The following HSD17B2 variants were observed in gnomAD, a reference collection of about 807,000 sequenced individuals.
HSD17B2 encodes hydroxysteroid 17-beta dehydrogenase 2.
In HSD17B2, 32 loss-of-function variants were observed where a neutral mutation model predicts 26.9. That is an observed-to-expected ratio of 1.19 (90% confidence interval 0.90 to 1.60). The LOEUF (loss-of-function observed/expected upper bound fraction) is 1.60. Ranked by LOEUF, HSD17B2 falls within the 40% of genes most tolerant of loss-of-function variation. HSD17B2 has a pLI of 0.00. For synonymous variants in HSD17B2, 246 were observed against 186.7 expected (o/e 1.32, Z -2.59); for missense variants, 613 against 468.6 (o/e 1.31, Z -2.85).
At chr16:82,080,970 A>T (rs1904363083) in intron 3 of HSD17B2, among the ~76,000 whole-genome samples, 1 of 151,788 alleles carries the variant, frequency 6.6e-6, no homozygotes, top group South Asian at 2.1e-4. Context: ...CTCCTTCCGA[A>T]GGTCTTCAGT....
chr16:82,056,959 G>A (rs1049118867), intron 1 of HSD17B2, among the ~76,000 whole-genome samples: 2 of 152,132 alleles, frequency 1.3e-5, no homozygotes, highest in African/African-American at 4.8e-5. Context: ...GCACTTTTAT[G>A]GGAGCCAATT....
In HSD17B2 at chr16:82,058,667, T is replaced by G. The variant is rs190906705; in HGVS notation, c.266-9503T>G. ...ACATGTGCCCTAAGGGTAATGCGAATTTTCACGGTGACCAGGTCTTAGTTG... is the reference window on the plus strand; with the variant it reads ...ACATGTGCCCTAAGGGTAATGCGAAGTTTCACGGTGACCAGGTCTTAGTTG... On this transcript the variant is annotated intron_variant, in intron 1 of 4. Coordinates refer to ENST00000199936, the MANE Select transcript of HSD17B2 (RefSeq NM_002153.3). 4.5e-4 allele frequency among the ~76,000 whole-genome samples: 68 copies of G among 152,278 alleles called. 1 individual carries two copies. The highest frequency in any genetic ancestry group is 4.4e-3 in the Admixed American group (68 of 15,296).
intron 3 of HSD17B2, among the ~76,000 whole-genome samples, chr16:82,085,853 A>G (rs773049639): frequency 1.3e-5 from 2 of 152,106 alleles, no homozygotes; most frequent in Admixed American, 6.5e-5. Flanking sequence ...CTAAATACAC[A>G]ATTGCTAGAA....
At chr16:82,094,388 A>C (rs1051942153) in intron 4 of HSD17B2, 5 of 152,048 alleles carry the variant, frequency 3.3e-5, no homozygotes, top group Admixed American at 6.6e-5. Flanking sequence ...AATCACCACA[A>C]CTCTGAGGAG....
intron 3 of HSD17B2, among the ~76,000 whole-genome samples, chr16:82,085,402 C>A (rs1057120225): frequency 1.3e-5 from 2 of 152,162 alleles, no homozygotes; most frequent in Admixed American, 1.3e-4. Flanking sequence ...ATTCTAACAT[C>A]CACAGAATGC....
chr16:82,086,491 G>C (rs1904530393), intron 3 of HSD17B2, among the ~76,000 whole-genome samples: 1 of 152,132 alleles, frequency 6.6e-6, no homozygotes. Context: ...ATGACCACCA[G>C]AATAATCAAC....
intron 1 of HSD17B2, among the ~76,000 whole-genome samples, chr16:82,046,535 G>T (rs564618046): frequency 6.6e-6 from 1 of 152,040 alleles, no homozygotes; most frequent in Non-Finnish European, 1.5e-5. Flanking sequence ...CTAGACTGAG[G>T]AACATGGTAA....
intron 1 of HSD17B2, among the ~76,000 whole-genome samples, chr16:82,036,659 A>G (rs1260497051): frequency 6.6e-6 from 1 of 152,168 alleles, no homozygotes; most frequent in Non-Finnish European, 1.5e-5. Context: ...TTAAAGTAAA[A>G]TGCTTTCTTG....
intron 1 of HSD17B2, among the ~76,000 whole-genome samples, chr16:82,065,420 G>A (rs1374916454): frequency 1.3e-5 from 2 of 152,154 alleles, no homozygotes; most frequent in Non-Finnish European, 2.9e-5. Context: ...TGTGCAGAAG[G>A]AACATGCTGG....
intron 3 of HSD17B2, among the ~76,000 whole-genome samples, chr16:82,074,667 A>C (rs1426975630): frequency 6.6e-6 from 1 of 152,246 alleles, no homozygotes; most frequent in Admixed American, 6.5e-5. Flanking sequence ...GTAAATATAC[A>C]TGCACCCAAC....
intron 3 of HSD17B2, among the ~76,000 whole-genome samples, chr16:82,084,916 G>A (rs569102004): frequency 6.6e-6 from 1 of 152,148 alleles, no homozygotes; most frequent in African/African-American, 2.4e-5. Flanking sequence ...TTGCCATGGG[G>A]TCTCACTTTG....
intron 1 of HSD17B2, among the ~76,000 whole-genome samples, chr16:82,063,469 G>T (rs1237369770): frequency 2.6e-5 from 4 of 152,028 alleles, no homozygotes; most frequent in East Asian, 3.9e-4. Flanking sequence ...GCACCCATTC[G>T]CCTATGCCAC....
intron 1 of HSD17B2, among the ~76,000 whole-genome samples, chr16:82,049,141 C>G (rs1914028407): frequency 6.6e-6 from 1 of 152,188 alleles, no homozygotes; most frequent in African/African-American, 2.4e-5. Context: ...TCTTCCCTCT[C>G]AAGCAATTGT....
intron 3 of HSD17B2, among the ~76,000 whole-genome samples, chr16:82,076,740 A>G (rs944361063): frequency 6.6e-6 from 1 of 151,880 alleles, no homozygotes; most frequent in Admixed American, 6.6e-5. Flanking sequence ...ATGCCCAGCT[A>G]TTTTTTTGTG....
chr16:82,084,184 G>T (rs956895448), intron 3 of HSD17B2, among the ~76,000 whole-genome samples: 3 of 152,146 alleles, frequency 2.0e-5, no homozygotes, highest in African/African-American at 7.2e-5. Flanking sequence ...TGAGGGTCAT[G>T]TAGCACCTGA....
At chr16:82,064,655 C>T (rs1280511945) in intron 1 of HSD17B2, among the ~76,000 whole-genome samples, 1 of 152,120 alleles carries the variant, frequency 6.6e-6, no homozygotes, top group Non-Finnish European at 1.5e-5. Flanking sequence ...CTAAAACTAA[C>T]TCGAGAAAGA....
intron 1 of HSD17B2, among the ~76,000 whole-genome samples, chr16:82,047,418 C>T (rs1913966647): frequency 6.6e-6 from 1 of 152,194 alleles, no homozygotes; most frequent in African/African-American, 2.4e-5. Context: ...CGTTATTTCA[C>T]CAACACTTAT....
In HSD17B2 at chr16:82,067,711, T is replaced by C. The variant is rs8191132; in HGVS notation, c.266-459T>C. Among the ~76,000 whole-genome samples, 325 of 152,366 alleles carry C rather than the reference T, an allele frequency of 2.1e-3. 2 individuals are homozygous for C. The highest frequency in any genetic ancestry group is 7.0e-3 in the African/African-American group (293 of 41,584). ...AACTGGCCCCCATGGGCAGCCTCTG[T>C]TATTGCCCTGTGTCTCCAAAAGGCA... On this transcript the variant is annotated intron_variant, in intron 1 of 4. Transcript: ENST00000199936.
chr16:82,035,732 A>C (rs770537935), intron 1 of HSD17B2, 43 bp downstream of exon 1: 2 of 1,591,810 alleles, frequency 1.3e-6, no homozygotes, highest in Non-Finnish European at 1.7e-6. Flanking sequence ...GTATGATCTG[A>C]AACTTGCTTT....
Sources: gnomAD v4.1 joint callset for allele counts (sites outside exome capture counted in the v4.1 genomes callset) on GRCh38, gnomAD v4.1.1 for gene constraint, MANE v1.5 for transcripts, NCBI Gene and HGNC (gene_info 2026-07-23, HGNC 2026-07-21) for gene names.